IPO5: variants seen among roughly 807,000 people sequenced by gnomAD.
IPO5 encodes importin 5.
Under a neutral mutation model 143.3 loss-of-function variants are expected in IPO5, and 18 were observed. The observed-to-expected ratio is 0.13, with a 90% CI of 0.09 to 0.19. IPO5 has a LOEUF of 0.19. Among genes scored for constraint, IPO5 ranks in the 10% least tolerant of loss-of-function variants. IPO5 has a pLI of 1.00. For missense variants in IPO5, 1,013 were observed against 1,336.9 expected (o/e 0.76, Z 3.78); for synonymous variants, 477 against 465.7 (o/e 1.02, Z -0.31).
chr13:97,973,984 C>A (rs934034093), intron 3 of IPO5, among the ~76,000 whole-genome samples: 4 of 152,146 alleles, frequency 2.6e-5, no homozygotes, highest in African/African-American at 9.7e-5. Context: ...GGGAGGATCG[C>A]TGGAGCCCAA....
At chr13:97,967,798 A>AT (rs1205034276) in intron 2 of IPO5, among the ~76,000 whole-genome samples, 1 of 151,884 alleles carries the variant, frequency 6.6e-6, no homozygotes, top group East Asian at 1.9e-4. Context: ...CGCCCGGCTA[A>AT]TTTTTTGTAT....
chr13:97,990,272 GC>G (rs750495657), intron 8 of IPO5, 50 bp downstream of exon 8: 1 of 1,372,390 alleles, frequency 7.3e-7, no homozygotes, highest in Non-Finnish European at 1.0e-6. Flanking sequence ...AATCTAATTT[GC>G]GAAAGAAATT....
rs9584737 is a variant in IPO5 at position 97,981,027 on chromosome 13, A to G, written c.91-1476A>G. Among the ~76,000 whole-genome samples the G allele has an allele frequency of 3.5e-3, 537 of 152,302 alleles. 4 individuals carry two copies. Among genetic ancestry groups the G allele is most frequent in the African/African-American group, 0.012 (501 of 41,574 alleles). Reference sequence around the variant, plus strand: ...ATATTAAGTGAAAAGTCTCAAAGGTACATAACCATTTTTGCATTCAGCTTG... The same window carrying G: ...ATATTAAGTGAAAAGTCTCAAAGGTGCATAACCATTTTTGCATTCAGCTTG... On this transcript the variant is annotated intron_variant, in intron 4 of 28. Coordinates refer to ENST00000651721, the MANE Select transcript of IPO5 (RefSeq NM_002271.6).
intron 21 of IPO5, 131 bp downstream of exon 21, chr13:98,012,473 G>T (rs1212050869): frequency 1.6e-6 from 1 of 635,170 alleles, no homozygotes; most frequent in African/African-American, 1.8e-5. Flanking sequence ...GTACTCTTAG[G>T]TGATAAACTC....
chr13:97,987,438 T>G (rs1265753095), intron 6 of IPO5, among the ~76,000 whole-genome samples: 1 of 152,214 alleles, frequency 6.6e-6, no homozygotes, highest in African/African-American at 2.4e-5. Flanking sequence ...CTTGTTCAAT[T>G]CAGCTAGCAG....
intron 11 of IPO5, among the ~76,000 whole-genome samples, chr13:97,995,116 C>A (rs1445751313): frequency 1.3e-5 from 2 of 148,360 alleles, no homozygotes; most frequent in Non-Finnish European, 3.0e-5. Context: ...CGGAGTGAGA[C>A]CCTGTCTCAA....
At chr13:97,979,133 C>A (rs772809704) in intron 4 of IPO5, among the ~76,000 whole-genome samples, 4 of 151,970 alleles carry the variant, frequency 2.6e-5, no homozygotes, top group Non-Finnish European at 5.9e-5. Context: ...TATAAGAGAT[C>A]AAATGAAATA....
At chr13:97,990,699 A>C (rs940016354) in intron 9 of IPO5, among the ~76,000 whole-genome samples, 162 bp downstream of exon 9, 15 of 152,226 alleles carry the variant, frequency 9.9e-5, no homozygotes, top group Non-Finnish European at 1.0e-4. Context: ...GCTTATGTTT[A>C]CTGCCTTTGA....
rs568589408 is a variant in IPO5 at position 98,006,356 on chromosome 13, A to ATTTTTTTTTTT, written c.1716+34_1716+44dup. The ATTTTTTTTTTT allele has an allele frequency of 3.0e-4, 169 of 556,832 alleles. 21 individuals carry two copies. The African/African-American group carries it at 4.2e-3, about 14-fold the overall frequency. The allele number at this position is 556,832 out of a possible 1,614,324, so 34.5% of individuals were successfully genotyped here. ...GCTGTTGGGAAGGAAAAAGTAAGTA[A>ATTTTTTTTTTT]TTTTTTTTTTTTTTTTTTTTTTTTT... On this transcript the variant is annotated intron_variant, in intron 17 of 28. Coordinates refer to ENST00000651721, the MANE Select transcript of IPO5 (RefSeq NM_002271.6).
intron 17 of IPO5, chr13:98,007,539 A>G (rs778787467): frequency 2.6e-5 from 4 of 152,310 alleles, no homozygotes; most frequent in Non-Finnish European, 5.9e-5. Context: ...ATCAGTATTA[A>G]TTTATATTTG....
At chr13:97,978,815 A>G (rs73556528) in intron 4 of IPO5, among the ~76,000 whole-genome samples, 3,090 of 152,242 alleles carry the variant, frequency 0.02, 114 homozygotes, top group African/African-American at 0.07. Flanking sequence ...TTGAATTCCA[A>G]TTGGTGCCTG....
chr13:98,010,335 C>A, intron 20 of IPO5, 111 bp downstream of exon 20: 1 of 935,658 alleles, frequency 1.1e-6, no homozygotes, highest in Non-Finnish European at 1.6e-6. Context: ...GTAATATGTT[C>A]CTTAAAAAGT....
intron 9 of IPO5, among the ~76,000 whole-genome samples, chr13:97,990,939 ATTATCG>A (rs1887751041): frequency 1.3e-5 from 2 of 152,200 alleles, no homozygotes; most frequent in South Asian, 4.1e-4. Context: ...GTTAATTCAC[ATTATCG>A]TTAAGGATGT....
intron 4 of IPO5, among the ~76,000 whole-genome samples, chr13:97,978,757 G>A (rs74693627): frequency 6.6e-6 from 1 of 152,278 alleles, no homozygotes; most frequent in African/African-American, 2.4e-5. Context: ...GTCAAGCCTA[G>A]TGGGGAATCT....
intron 5 of IPO5, among the ~76,000 whole-genome samples, chr13:97,983,088 C>G (rs1306017107): frequency 1.3e-5 from 2 of 152,208 alleles, no homozygotes; most frequent in East Asian, 1.9e-4. Context: ...CCAGGCTGGT[C>G]TCGAACTCCT....
In IPO5 at chr13:97,991,025, C is replaced by T. The variant is rs1453936005; in HGVS notation, c.669+488C>T. Among the ~76,000 whole-genome samples the T allele has an allele frequency of 1.3e-5, 2 of 152,044 alleles. 1 individual carries two copies. The highest frequency in any genetic ancestry group is 3.9e-4 in the East Asian group (2 of 5,190). On this transcript the variant is annotated intron_variant, in intron 9 of 28. Coordinates refer to ENST00000651721, the MANE Select transcript of IPO5 (RefSeq NM_002271.6). ...GATGAGACAAGATAGAGCATATATTCAGGGCAACTTGAATCTATGCTCCTG... is the reference window on the plus strand; with the variant it reads ...GATGAGACAAGATAGAGCATATATTTAGGGCAACTTGAATCTATGCTCCTG...
intron 24 of IPO5, among the ~76,000 whole-genome samples, chr13:98,016,245 G>A (rs574982353): frequency 6.6e-6 from 1 of 152,160 alleles, no homozygotes; most frequent in East Asian, 1.9e-4. Flanking sequence ...TCTCATATGT[G>A]GCCACTTGGT....
chr13:97,956,396 A>ATTCT (rs1884462928), intron 2 of IPO5, among the ~76,000 whole-genome samples: 2 of 152,168 alleles, frequency 1.3e-5, no homozygotes, highest in Admixed American at 1.3e-4. Context: ...TTTTTACAGA[A>ATTCT]GTCAGAAGAA....
rs769558831 is a variant in IPO5 at position 98,015,760 on chromosome 13, C to T, written c.2472C>T (p.Val824=). ...AAGATGAAGACTATGATGAACAGGTCGAAGAGTCACTACAAGATGAGGTAA... is the reference window on the plus strand; with the variant it reads ...AAGATGAAGACTATGATGAACAGGTTGAAGAGTCACTACAAGATGAGGTAA... ...KRQDEDYDEQ[V]EESLQDEDDN... The change falls in exon 24 of 29, where the codon GTC becomes GTT. Residue 824 remains valine (V), a synonymous_variant. Coordinates refer to ENST00000651721, the MANE Select transcript of IPO5 (RefSeq NM_002271.6). 7.5e-6 allele frequency: 12 copies of T among 1,609,618 alleles called. No homozygotes were observed. Among genetic ancestry groups the T allele is most frequent in the Admixed American group, 3.4e-5 (2 of 59,228 alleles).
Sources: allele counts gnomAD v4.1 joint callset (sites outside exome capture counted in the v4.1 genomes callset), GRCh38; gene constraint gnomAD v4.1.1; transcripts MANE v1.5; gene names NCBI Gene and HGNC (gene_info 2026-07-23, HGNC 2026-07-21).